Variants in CREM observed in about 807,000 individuals in gnomAD.
CREM encodes the protein cAMP-responsive element modulator.
In CREM, 13 loss-of-function variants were observed where a neutral mutation model predicts 37.3. The observed-to-expected ratio is 0.35, with a 90% CI of 0.23 to 0.55. CREM has a LOEUF of 0.55. CREM is among the 20% of genes least tolerant of loss of function. The pLI is 0.88. For missense variants in CREM, 296 were observed against 362.3 expected (o/e 0.82, Z 1.49); for synonymous variants, 124 against 120.2 (o/e 1.03, Z -0.21).
chr10:35,179,494 TAGA>T (rs759974782), intron 5 of CREM: 6 of 474,990 alleles, frequency 1.3e-5, no homozygotes, highest in African/African-American at 4.0e-5. Flanking sequence ...CTGCCGAATA[TAGA>T]AGAAAATTTT....
Position 35,212,073 on chromosome 10 carries a change from CTATG to C in CREM, c.*677_*680del. On this transcript the variant is annotated 3_prime_UTR_variant, in exon 8 of 8. Coordinates refer to ENST00000685392, the MANE Select transcript of CREM (RefSeq NM_183011.2). ...ATGCCACATACTTGCAGCTCCCATT[CTATG>C]TGTCATCAATAGTGTCCTATGCAAT... is the stretch of plus-strand genomic sequence containing the variant. The C allele has an allele frequency of 9.9e-6, 3 of 304,490 alleles. No homozygotes were observed. The highest frequency in any genetic ancestry group is 1.8e-5 in the Non-Finnish European group (3 of 166,882). 18.9% of individuals were successfully genotyped at this position (304,490 alleles called of 1,614,324 possible).
chr10:35,141,324 A>G (rs2091397737), intron 2 of CREM, among the ~76,000 whole-genome samples: 1 of 152,248 alleles, frequency 6.6e-6, no homozygotes. Context: ...TAAGCAAAGA[A>G]GTATTTTAAG....
At chr10:35,176,036 T>C (rs2094054126) in intron 3 of CREM, 2 of 1,525,148 alleles carry the variant, frequency 1.3e-6, no homozygotes, top group Non-Finnish European at 1.8e-6. Flanking sequence ...TCTTTGACTT[T>C]CTTGAGCCAT....
chr10:35,155,930 CTTCT>C (rs1163143377), intron 3 of CREM, among the ~76,000 whole-genome samples: 12 of 146,102 alleles, frequency 8.2e-5, no homozygotes, highest in East Asian at 2.0e-4. Context: ...CGCCTGGCCT[CTTCT>C]TTCTTTCTTT....
intron 3 of CREM, among the ~76,000 whole-genome samples, chr10:35,150,050 G>A (rs2092478817): frequency 6.6e-6 from 1 of 152,062 alleles, no homozygotes; most frequent in South Asian, 2.1e-4. Flanking sequence ...TAACATTTTG[G>A]TGTAGCTCCT....
intron 3 of CREM, among the ~76,000 whole-genome samples, chr10:35,172,686 G>C (rs2093877725): frequency 6.6e-6 from 1 of 150,540 alleles, no homozygotes; most frequent in African/African-American, 2.4e-5. Context: ...TCTGTGTCCT[G>C]AAGTGGGACA....
intron 3 of CREM, 146 bp downstream of exon 3, chr10:35,148,637 A>G (rs2092350740): frequency 1.1e-6 from 1 of 899,044 alleles, no homozygotes. Context: ...AAGAAAAGAT[A>G]CGTGTTGTAA....
At chr10:35,185,900 G>T (rs2094537664) in intron 5 of CREM, among the ~76,000 whole-genome samples, 2 of 152,170 alleles carry the variant, frequency 1.3e-5, no homozygotes, top group South Asian at 2.1e-4. Context: ...GTAGACACTG[G>T]CACCTTAGGT....
chr10:35,175,927 T>C (rs2094046157), intron 3 of CREM: 24 of 1,551,884 alleles, frequency 1.5e-5, no homozygotes, highest in Non-Finnish European at 2.1e-5. Flanking sequence ...CGGGCCAAAC[T>C]ATACATGTCC....
At chr10:35,165,088 A>G (rs990639480) in intron 3 of CREM, among the ~76,000 whole-genome samples, 5 of 151,286 alleles carry the variant, frequency 3.3e-5, no homozygotes, top group Non-Finnish European at 7.4e-5. Flanking sequence ...AGAAAAGGAA[A>G]AAGAAATACT....
At chr10:35,127,854 C>CT (rs34451255) in intron 1 of CREM, among the ~76,000 whole-genome samples, 48,421 of 149,208 alleles carry the variant, frequency 0.32, 7,769 homozygotes, top group Non-Finnish European at 0.34. Context: ...ATTAAACATA[C>CT]TTTTTTTTTT....
intron 3 of CREM, among the ~76,000 whole-genome samples, chr10:35,172,758 G>T (rs768886709): frequency 1.1e-4 from 16 of 152,178 alleles, no homozygotes; most frequent in Non-Finnish European, 1.5e-4. Context: ...GGAAAAGCAC[G>T]TGTGTTATTT....
At chr10:35,206,638 T>C (rs1251021590) in intron 6 of CREM, among the ~76,000 whole-genome samples, 4 of 152,206 alleles carry the variant, frequency 2.6e-5, no homozygotes, top group African/African-American at 9.6e-5. Flanking sequence ...GCTTTTGCCT[T>C]TGATAAAAAC....
At chr10:35,153,139 G>C (rs2136119676) in intron 3 of CREM, among the ~76,000 whole-genome samples, 1 of 152,266 alleles carries the variant, frequency 6.6e-6, no homozygotes, top group African/African-American at 2.4e-5. Context: ...AGCTACTTGG[G>C]AGACTGAGAC....
chr10:35,161,807 CACTTATACACTG>C (rs1047023578), intron 3 of CREM, among the ~76,000 whole-genome samples: 1 of 152,124 alleles, frequency 6.6e-6, no homozygotes, highest in Non-Finnish European at 1.5e-5. Flanking sequence ...GAAAAGGGAA[CACTTATACACTG>C]ACGGTGGGAA....
Position 35,144,954 on chromosome 10 carries a change from G to A in CREM, c.45-3414G>A, listed in dbSNP as rs556582686. Among the ~76,000 whole-genome samples, 84 of 152,022 alleles carry A rather than the reference G, an allele frequency of 5.5e-4. 1 individual carries two copies. Among genetic ancestry groups the A allele is most frequent in the African/African-American group, 1.8e-3 (76 of 41,452 alleles). ...GCGGGCTGATCACTTGAGGCCAGGA[G>A]TTGGAGACCAGCCTGGCCAACATGG... is the stretch of plus-strand genomic sequence containing the variant. On this transcript the variant is annotated intron_variant, in intron 2 of 7. Transcript: ENST00000685392.
intron 3 of CREM, among the ~76,000 whole-genome samples, chr10:35,178,633 T>C (rs1428737659): frequency 6.6e-6 from 1 of 152,244 alleles, no homozygotes; most frequent in Non-Finnish European, 1.5e-5. Context: ...CAACCACTCT[T>C]TCCCTAGTAT....
In CREM at chr10:35,137,828, T is replaced by G. The variant is rs530192692; in HGVS notation, c.-8T>G. On this transcript the variant is annotated 5_prime_UTR_variant, in exon 2 of 8. Transcript: ENST00000685392. ...AGGAGGAAAGCATTGATTACAAATA[T>G]CTTAACAATGAGCAAATGTGCAAGG... 2 of 1,568,540 alleles carry G rather than the reference T, an allele frequency of 1.3e-6. No individual in the cohort carries two copies. Among genetic ancestry groups the G allele is most frequent in the East Asian group, 4.6e-5 (2 of 43,306 alleles).
rs755346866 is a variant in CREM at position 35,147,041 on chromosome 10, GT to G, written c.45-1300del. ...GGAGTAGTTTCTATAAGTTTTTTGG[GT>G]TTTTTTTTTTTTTTTTTTTTTTTTT... On this transcript the variant is annotated intron_variant, in intron 2 of 7. Coordinates refer to ENST00000685392, the MANE Select transcript of CREM (RefSeq NM_183011.2). Among the ~76,000 whole-genome samples, 309 of 120,978 alleles carry G rather than the reference GT, an allele frequency of 2.6e-3. 2 individuals carry two copies. Among genetic ancestry groups the G allele is most frequent in the East Asian group, 7.1e-3 (26 of 3,686 alleles). 79.4% of individuals were successfully genotyped at this position (120,978 alleles called of 152,430 possible). A position where few individuals can be genotyped will look rare whatever the true frequency, so the allele number is the denominator to read the frequency against.
Sources: gnomAD v4.1 joint callset for allele counts (sites outside exome capture counted in the v4.1 genomes callset) on GRCh38, gnomAD v4.1.1 for gene constraint, MANE v1.5 for transcripts, NCBI Gene and HGNC (gene_info 2026-07-23, HGNC 2026-07-21) for gene names.